Variants in C2orf76 observed in about 807,000 individuals in gnomAD.
C2orf76 encodes chromosome 2 open reading frame 76, also known as UPF0538 protein C2orf76.
In C2orf76, 23 loss-of-function variants were observed where a neutral mutation model predicts 16.9. The observed-to-expected ratio is 1.36, with a 90% CI of 0.98 to 1.93. The LOEUF (loss-of-function observed/expected upper bound fraction) is 1.93, where lower values mean the gene tolerates loss of function less well. C2orf76 is among the 30% of genes most tolerant of loss of function. The pLI is 0.00. For missense variants in C2orf76, 152 were observed against 152.6 expected, an observed-to-expected ratio of 1.00 and a Z score of 0.02; for synonymous variants, 48 against 52.3, an observed-to-expected ratio of 0.92 and a Z score of 0.35.
intron 1 of C2orf76, among the ~76,000 whole-genome samples, chr2:119,353,460 G>A (rs942340507): frequency 6.6e-6 from 1 of 151,924 alleles, no homozygotes; most frequent in Non-Finnish European, 1.5e-5. Flanking sequence ...ACTCTTGGAT[G>A]GAGAACGAAA....
chr2:119,298,052 G>GC (rs1558771360), downstream of C2orf76, among the ~76,000 whole-genome samples: 2 of 151,818 alleles, frequency 1.3e-5, no homozygotes, highest in African/African-American at 2.4e-5. Flanking sequence ...CAAGCAATCC[G>GC]CCCCCCTCAG....
chr2:119,307,107 C>T (rs1314758115), intron 5 of C2orf76, among the ~76,000 whole-genome samples: 10 of 151,950 alleles, frequency 6.6e-5, no homozygotes, highest in Admixed American at 6.6e-4. Flanking sequence ...AAAATCTAAC[C>T]AGACACGGCA....
chr2:119,301,547 A>G (rs1678622596), downstream of C2orf76, among the ~76,000 whole-genome samples: 1 of 151,342 alleles, frequency 6.6e-6, no homozygotes, highest in Admixed American at 6.6e-5. Context: ...GCACTCAGGG[A>G]GCAATGGCAG....
chr2:119,346,054 C>CAA (rs56669262), intron 1 of C2orf76, among the ~76,000 whole-genome samples: 271 of 72,560 alleles, frequency 3.7e-3, no homozygotes, highest in Middle Eastern at 6.8e-3. Context: ...GACGCCATCT[C>CAA]AAAAAAAAAA....
intron 2 of C2orf76, among the ~76,000 whole-genome samples, chr2:119,335,174 C>T (rs13019296): frequency 4.7e-4 from 72 of 152,142 alleles, no homozygotes; most frequent in Non-Finnish European, 8.5e-4. Flanking sequence ...TACATACGCA[C>T]AGGTTAATAC....
chr2:119,294,922 T>A, the C2orf76 span, among the ~76,000 whole-genome samples: 2 of 151,550 alleles, frequency 1.3e-5, no homozygotes, highest in African/African-American at 4.9e-5. Flanking sequence ...GCATAGAGGA[T>A]CTCAAGTCAG....
intron 1 of C2orf76, among the ~76,000 whole-genome samples, chr2:119,359,727 C>T (rs979762099): frequency 3.9e-5 from 6 of 152,086 alleles, no homozygotes; most frequent in Non-Finnish European, 7.3e-5. Flanking sequence ...AAAATGCCAG[C>T]GGATTAGGAG....
At chr2:119,363,141 T>C (rs1195569666) in intron 1 of C2orf76, among the ~76,000 whole-genome samples, 1 of 151,954 alleles carries the variant, frequency 6.6e-6, no homozygotes, top group Non-Finnish European at 1.5e-5. Flanking sequence ...ACTAGTCTCC[T>C]GGGCCAGGCG....
intron 5 of C2orf76, among the ~76,000 whole-genome samples, chr2:119,306,639 C>T (rs1032299728): frequency 6.6e-6 from 1 of 151,958 alleles, no homozygotes; most frequent in African/African-American, 2.4e-5. Context: ...AAAAAGCTTA[C>T]ATGTAAATTT....
At position 119,356,297 on chromosome 2, in the gene C2orf76, G is replaced by A. The variant is rs145192449; in HGVS notation, c.-13+10493C>T. ...AGGCACTGTAATCCCAGCTTCTCAG[G>A]AGACTGAAGCAGGAGAATCGCTTGA... is the stretch of plus-strand genomic sequence containing the variant. On this transcript the variant is annotated intron_variant, in intron 1 of 5. Transcript: ENST00000334816. Among the ~76,000 whole-genome samples, 897 of 151,734 alleles carry A rather than the reference G, an allele frequency of 5.9e-3. 9 individuals are homozygous for A. The highest frequency in any genetic ancestry group is 0.021 in the African/African-American group (876 of 41,354).
chr2:119,362,110 G>A (rs1353867134), intron 1 of C2orf76, among the ~76,000 whole-genome samples: 2 of 152,234 alleles, frequency 1.3e-5, no homozygotes, highest in South Asian at 2.1e-4. Context: ...AAGATGACAA[G>A]TCTGAAGACC....
At chr2:119,297,121 C>A in the C2orf76 span, among the ~76,000 whole-genome samples, 7 of 152,172 alleles carry the variant, frequency 4.6e-5, no homozygotes, top group African/African-American at 9.7e-5. Context: ...AGGCTCTGTC[C>A]GTAAGTGCCT....
intron 1 of C2orf76, among the ~76,000 whole-genome samples, chr2:119,364,092 G>A (rs1393718738): frequency 2.0e-5 from 3 of 151,892 alleles, no homozygotes; most frequent in African/African-American, 7.3e-5. Context: ...GAGGGAGAGA[G>A]AGGTAGGGCA....
At chr2:119,330,181 C>CT (rs1428490675) in intron 2 of C2orf76, among the ~76,000 whole-genome samples, 2 of 152,116 alleles carry the variant, frequency 1.3e-5, no homozygotes, top group Non-Finnish European at 2.9e-5. Context: ...CGAGACCAGC[C>CT]TGGCCAGCAT....
chr2:119,308,130 T>A (rs56166948), intron 5 of C2orf76, among the ~76,000 whole-genome samples: 44,115 of 151,900 alleles, frequency 0.29, 7,385 homozygotes, highest in Non-Finnish European at 0.38. Flanking sequence ...TTTATACTTT[T>A]AAAAAAAATT....
intron 5 of C2orf76, among the ~76,000 whole-genome samples, chr2:119,309,640 G>A (rs776750195): frequency 5.3e-5 from 8 of 151,808 alleles, no homozygotes; most frequent in Non-Finnish European, 7.4e-5. Flanking sequence ...AGCTGGTCTC[G>A]AATTCCTGAC....
At chr2:119,325,247 G>A (rs1371831167) in intron 2 of C2orf76, among the ~76,000 whole-genome samples, 1 of 151,986 alleles carries the variant, frequency 6.6e-6, no homozygotes, top group African/African-American at 2.4e-5. Flanking sequence ...GCCACCTGAG[G>A]TCAAGAGTTC....
At position 119,311,705 on chromosome 2, in the gene C2orf76, T is replaced by C; in HGVS notation, c.223-2A>G. 7.6e-7 allele frequency: 1 copy of C among 1,315,630 alleles called. No homozygotes were observed. The highest frequency in any genetic ancestry group is 1.0e-6 in the Non-Finnish European group (1 of 954,758). 81.5% of individuals were successfully genotyped at this position (1,315,630 alleles called of 1,614,324 possible). ...CAAACTCAACACAAGTTCATTTGTC[T>C]AAAAAAAAAAAAGAAAATCTGCATT... On this transcript the variant is annotated splice_acceptor_variant, in intron 4 of 5. Coordinates refer to ENST00000334816, the MANE Select transcript of C2orf76 (RefSeq NM_001322331.2). LOFTEE classifies it high-confidence loss of function.
chr2:119,313,920 T>A (rs920356302), intron 4 of C2orf76, among the ~76,000 whole-genome samples: 2 of 152,026 alleles, frequency 1.3e-5, no homozygotes, highest in Non-Finnish European at 2.9e-5. Flanking sequence ...AATTGTAGAG[T>A]CTAGAGCATC....
Sources: allele counts gnomAD v4.1 joint callset (sites outside exome capture counted in the v4.1 genomes callset), GRCh38; gene constraint gnomAD v4.1.1; transcripts MANE v1.5; gene names NCBI Gene and HGNC (gene_info 2026-07-23, HGNC 2026-07-21).